RHAG: variants seen among roughly 807,000 people sequenced by gnomAD.
RHAG encodes Rh associated glycoprotein.
Under a neutral mutation model 42.4 loss-of-function variants are expected in RHAG, and 25 were observed. That is an observed-to-expected ratio of 0.59 (90% CI 0.43 to 0.82). The LOEUF is 0.82. Among genes scored for constraint, RHAG ranks in the 40% least tolerant of loss-of-function variants. RHAG has a pLI of 0.00. For synonymous variants in RHAG, 182 were observed against 177.7 expected, an observed-to-expected ratio of 1.02 and a Z score of -0.19; for missense variants, 483 against 504.6, an observed-to-expected ratio of 0.96 and a Z score of 0.41.
chr6:49,628,744 G>A lies in RHAG; in HGVS notation c.157+7912C>T, dbSNP rs181015563. Among the ~76,000 whole-genome samples, 43 of 151,562 alleles carry A rather than the reference G, an allele frequency of 2.8e-4. No individual in the cohort carries two copies. The South Asian group carries it at 5.5e-3, about 19-fold the overall frequency. ...TGAGTGTTACAGCTCTTAAGGTGGC[G>A]CGTCTCGAGTTGTTCGTTCCTCCCG... is the stretch of plus-strand genomic sequence containing the variant. On this transcript the variant is annotated intron_variant, in intron 1 of 9. Coordinates refer to ENST00000371175, the MANE Select transcript of RHAG (RefSeq NM_000324.3).
rs34416373 is a variant in RHAG, at chr6:49,616,354, C to CAA, written c.493-585_493-584dup. Among the ~76,000 whole-genome samples the CAA allele has an allele frequency of 9.6e-3, 1,046 of 108,654 alleles. 34 individuals carry two copies. Among genetic ancestry groups the CAA allele is most frequent in the African/African-American group, 0.034 (839 of 24,384 alleles). The allele number at this position is 108,654 out of a possible 152,430, so 71.3% of individuals were successfully genotyped here. A position where few individuals can be genotyped will look rare whatever the true frequency, so the allele number is the denominator to read the frequency against. On this transcript the variant is annotated intron_variant, in intron 3 of 9. Coordinates refer to ENST00000371175, the MANE Select transcript of RHAG (RefSeq NM_000324.3). ...GACAAAGCAAGAACTAATCTCAAAC[C>CAA]AAAAAAAAAAAAAAAAAAAAAGATA...
Position 49,619,331 on chromosome 6 carries a change from A to C in RHAG, c.189T>G (p.Val63=). 1 of 1,614,156 alleles carries C rather than the reference A, an allele frequency of 6.2e-7. No individual in the cohort carries two copies. Among genetic ancestry groups the C allele is most frequent in the Non-Finnish European group, 8.5e-7 (1 of 1,180,020 alleles). The part of the protein sequence containing the change: ...LFQDVHVMIF[V]GFGFLMTFLK... ...GGAAGGTCATGAGGAAGCCAAACCC[A>C]ACAAATATCATAACATGTACATCTT... The change falls in exon 2 of 10, where the codon GTT becomes GTG. Residue 63 remains valine (V), a synonymous_variant. Coordinates refer to ENST00000371175, the MANE Select transcript of RHAG (RefSeq NM_000324.3).
At chr6:49,612,280 G>A (rs974948818) in intron 6 of RHAG, 117 bp downstream of exon 6, 4 of 1,138,174 alleles carry the variant, frequency 3.5e-6, no homozygotes, top group Non-Finnish European at 4.0e-6. Context: ...GAAGGCAAAT[G>A]GTCTCCAAAT....
At chr6:49,626,161 C>T (rs762639422) in intron 1 of RHAG, among the ~76,000 whole-genome samples, 20 of 152,160 alleles carry the variant, frequency 1.3e-4, no homozygotes, top group African/African-American at 1.9e-4. Flanking sequence ...TCATGCCTTC[C>T]CAACCGTCCC....
intron 4 of RHAG, 27 bp from the exon 5 acceptor site, chr6:49,614,880 T>C: frequency 6.2e-7 from 1 of 1,603,600 alleles, no homozygotes; most frequent in South Asian, 1.1e-5. Flanking sequence ...GAGGGGATAT[T>C]AGTTCTGAAT....
At chr6:49,614,986 C>CAA in intron 4 of RHAG, 133 bp from the exon 5 acceptor site, 3 of 855,850 alleles carry the variant, frequency 3.5e-6, no homozygotes, top group Non-Finnish European at 5.5e-6. Context: ...GTCCCTCTGT[C>CAA]ACCCAGGCTG....
intron 1 of RHAG, among the ~76,000 whole-genome samples, chr6:49,623,569 T>C (rs1762797434): frequency 6.6e-6 from 1 of 152,166 alleles, no homozygotes; most frequent in Admixed American, 6.5e-5. Flanking sequence ...AATCAGTGAT[T>C]CTCAACAAGA....
At chr6:49,629,844 GC>G (rs57004168) in intron 1 of RHAG, among the ~76,000 whole-genome samples, 33,006 of 152,128 alleles carry the variant, frequency 0.22, 3,816 homozygotes, top group African/African-American at 0.29. Flanking sequence ...TGCTCCGAGT[GC>G]GGGGCCCGCC....
chr6:49,619,099 T>C, intron 2 of RHAG, 80 bp downstream of exon 2: 1 of 1,480,314 alleles, frequency 6.8e-7, no homozygotes, highest in Non-Finnish European at 9.4e-7. Context: ...CACCTCTTAA[T>C]ATCATCATGT....
At position 49,619,638 on chromosome 6, in the gene RHAG, A is replaced by T. The variant is rs114906405; in HGVS notation, c.158-276T>A. 5.6e-3 allele frequency among the ~76,000 whole-genome samples: 846 copies of T among 152,232 alleles called. 8 individuals are homozygous for T. The highest frequency in any genetic ancestry group is 0.019 in the African/African-American group (805 of 41,518). On this transcript the variant is annotated intron_variant, in intron 1 of 9. Coordinates refer to ENST00000371175, the MANE Select transcript of RHAG (RefSeq NM_000324.3). ...TCATCCTGTCCCTGAGAAATTCTACATTGTTTTCCACCTGAGGACAGACTT... is the reference window on the plus strand; with the variant it reads ...TCATCCTGTCCCTGAGAAATTCTACTTTGTTTTCCACCTGAGGACAGACTT...
chr6:49,611,418 T>C (rs1010433379), intron 6 of RHAG, among the ~76,000 whole-genome samples: 14 of 152,210 alleles, frequency 9.2e-5, no homozygotes, highest in East Asian at 1.9e-4. Context: ...TCTCCTCATT[T>C]AGAATAAATT....
rs772328887 is a variant in RHAG at position 49,605,790 on chromosome 6, T to C, written c.*23A>G. Reference sequence around the variant, plus strand: ...AGGTTCCAGCTGGCTGTGGTCACCATGTCCATGGAACTGATTGTCAAGTTA... The same window carrying C: ...AGGTTCCAGCTGGCTGTGGTCACCACGTCCATGGAACTGATTGTCAAGTTA... On this transcript the variant is annotated 3_prime_UTR_variant, in exon 10 of 10. Coordinates refer to ENST00000371175, the MANE Select transcript of RHAG (RefSeq NM_000324.3). 3 of 1,611,304 alleles carry C rather than the reference T, an allele frequency of 1.9e-6. No individual in the cohort carries two copies. Among genetic ancestry groups the C allele is most frequent in the South Asian group, 2.2e-5 (2 of 91,052 alleles).
At chr6:49,612,328 C>T in intron 6 of RHAG, 69 bp downstream of exon 6, 3 of 1,528,184 alleles carry the variant, frequency 2.0e-6, no homozygotes, top group Admixed American at 3.5e-5. Flanking sequence ...AGCTTTTTTT[C>T]TGCTGGTGGG....
chr6:49,635,727 C>G (rs1252029940), intron 1 of RHAG, among the ~76,000 whole-genome samples: 3 of 151,924 alleles, frequency 2.0e-5, no homozygotes, highest in Non-Finnish European at 2.9e-5. Flanking sequence ...CATGGGAATA[C>G]CCCCATCATA....
intron 5 of RHAG, 138 bp from the exon 6 acceptor site, chr6:49,612,672 T>G (rs1262453959): frequency 9.7e-7 from 1 of 1,032,484 alleles, no homozygotes; most frequent in Non-Finnish European, 1.5e-6. Flanking sequence ...AAAAAGAGGT[T>G]TGTTTGGATT....
intron 7 of RHAG, 129 bp from the exon 8 acceptor site, chr6:49,607,349 C>T (rs1762493112): frequency 2.7e-6 from 2 of 739,576 alleles, no homozygotes; most frequent in Non-Finnish European, 4.8e-6. Flanking sequence ...GCAAATTAAG[C>T]ATTTGTTACA....
rs532998121 is a variant in RHAG, at chr6:49,624,139, T to C, written c.158-4777A>G. 2.0e-5 allele frequency among the ~76,000 whole-genome samples: 3 copies of C among 152,348 alleles called. No homozygotes were observed. The South Asian group carries it at 6.2e-4, about 32-fold the overall frequency. On this transcript the variant is annotated intron_variant, in intron 1 of 9. Coordinates refer to ENST00000371175, the MANE Select transcript of RHAG (RefSeq NM_000324.3). ...TTAGAATCCTACACTGTTCTTAGCGTTCCCATCCTCCTGGCTGTGATAAGT... is the reference window on the plus strand; with the variant it reads ...TTAGAATCCTACACTGTTCTTAGCGCTCCCATCCTCCTGGCTGTGATAAGT...
At chr6:49,609,471 C>T (rs1417017515) in intron 7 of RHAG, among the ~76,000 whole-genome samples, 1 of 152,218 alleles carries the variant, frequency 6.6e-6, no homozygotes, top group African/African-American at 2.4e-5. Flanking sequence ...AGTGTATGCA[C>T]ACTCCAACAC....
Position 49,614,723 on chromosome 6 carries a change from G to A in RHAG, c.771C>T (p.Phe257=). Residue 257 remains phenylalanine (F), a synonymous_variant, in exon 5 of 10, where the codon TTC becomes TTT. Transcript: ENST00000371175. ...TGCCTCGGTGCTCCACTAGGCTGGA[G>A]AAGGCAAAGGCTGTGAGCACACAGG... The part of the protein sequence containing the change: ...LAACVLTAFA[F]SSLVEHRGKL... 1 of 1,614,106 alleles carries A rather than the reference G, an allele frequency of 6.2e-7. No homozygotes were observed. The highest frequency in any genetic ancestry group is 8.5e-7 in the Non-Finnish European group (1 of 1,180,026).
Sources: gnomAD v4.1 joint callset for allele counts (sites outside exome capture counted in the v4.1 genomes callset) on GRCh38, gnomAD v4.1.1 for gene constraint, MANE v1.5 for transcripts, NCBI Gene and HGNC (gene_info 2026-07-23, HGNC 2026-07-21) for gene names.